Variants in DNAJB13 observed in about 807,000 individuals in gnomAD.
The protein encoded by DNAJB13 is DnaJ heat shock protein family (Hsp40) member B13.
Under a neutral mutation model 35.6 loss-of-function variants are expected in DNAJB13, and 22 were observed. The ratio of observed to expected loss-of-function variants is 0.62; its 90% CI spans 0.44 to 0.88. The LOEUF is 0.88. DNAJB13 is among the 40% of genes least tolerant of loss of function. The pLI is 0.00. For missense variants in DNAJB13, 370 were observed against 384.3 expected, an observed-to-expected ratio of 0.96 and a Z score of 0.31; for synonymous variants, 136 against 144.2, an observed-to-expected ratio of 0.94 and a Z score of 0.41.
intron 7 of DNAJB13, 38 bp from the exon 8 acceptor site, chr11:73,969,923 G>C (rs778038707): frequency 2.0e-5 from 31 of 1,580,384 alleles, no homozygotes; most frequent in African/African-American, 2.7e-5. Flanking sequence ...TGCTGCTCTG[G>C]GATGCCCTCT....
intron 3 of DNAJB13, chr11:73,964,581 TGGGCG>T: frequency 1.4e-5 from 3 of 215,580 alleles, no homozygotes; most frequent in South Asian, 7.3e-5. Context: ...GGGGAAGCGT[TGGGCG>T]GGGTGGGGGG....
At chr11:73,956,081 C>T (rs1188110482) in intron 1 of DNAJB13, among the ~76,000 whole-genome samples, 1 of 150,856 alleles carries the variant, frequency 6.6e-6, no homozygotes, top group Non-Finnish European at 1.5e-5. Context: ...TTTACTCACT[C>T]CTGCTCAGTG....
intron 1 of DNAJB13, among the ~76,000 whole-genome samples, chr11:73,953,618 A>G (rs1269618598): frequency 6.6e-6 from 1 of 152,208 alleles, no homozygotes; most frequent in Non-Finnish European, 1.5e-5. Context: ...GAATCTATGA[A>G]TAACATCGGT....
At position 73,951,089 on chromosome 11, in the gene DNAJB13, C is replaced by G; in HGVS notation, c.20C>G (p.Ser7Cys). 3 of 1,614,076 alleles carry G rather than the reference C, an allele frequency of 1.9e-6. No individual in the cohort carries two copies. Among genetic ancestry groups the G allele is most frequent in the Non-Finnish European group, 2.5e-6 (3 of 1,180,018 alleles). MGQDYY[S>C]VLGITRNSED... ...CCAGCCATGGGCCAGGATTATTACT[C>G]TGTGCTCGGGATCACTCGCAATTCA... Residue 7 changes from serine to cysteine, a missense_variant, in exon 1 of 8, where the codon TCT (serine) becomes TGT (cysteine). Physicochemically the swap from Ser to Cys is moderately radical, Grantham distance 112 (BLOSUM62 -1). Transcript: ENST00000339764.
intron 2 of DNAJB13, among the ~76,000 whole-genome samples, chr11:73,958,834 G>A (rs962622902): frequency 6.6e-6 from 1 of 152,194 alleles, no homozygotes; most frequent in Non-Finnish European, 1.5e-5. Context: ...TTTCCCCAGG[G>A]CCAGCAACAG....
At chr11:73,964,612 G>C (rs1466056625) in intron 3 of DNAJB13, 3 of 440,282 alleles carry the variant, frequency 6.8e-6, no homozygotes, top group Admixed American at 8.0e-5. Context: ...GTCCCAAGGG[G>C]AGGTGAAGCA....
intron 1 of DNAJB13, among the ~76,000 whole-genome samples, 153 bp from the exon 2 acceptor site, chr11:73,958,164 A>T (rs978505112): frequency 2.0e-5 from 3 of 152,202 alleles, no homozygotes; most frequent in African/African-American, 7.2e-5. Flanking sequence ...ACTCTTCAAG[A>T]GCTGAGCAGT....
At chr11:73,964,809 GTGT>G in intron 3 of DNAJB13, 66 bp from the exon 4 acceptor site, 2 of 1,305,632 alleles carry the variant, frequency 1.5e-6, no homozygotes, top group South Asian at 1.2e-5. Flanking sequence ...GTGTGTGTGT[GTGT>G]GCGCGCGCGC....
At position 73,965,050 on chromosome 11, in the gene DNAJB13, T is replaced by C. The variant is rs1292816932; in HGVS notation, c.492+15T>C. 6.5e-7 allele frequency: 1 copy of C among 1,549,234 alleles called. No individual in the cohort carries two copies. Among genetic ancestry groups the C allele is most frequent in the African/African-American group, 1.4e-5 (1 of 72,336 alleles). On this transcript the variant is annotated intron_variant, in intron 4 of 7. Transcript: ENST00000339764. ...TCTCCAGAAGGGTGAGTACTCAGCT[T>C]GCTCCTCCCGGGAGCCACCTATCTC...
chr11:73,952,664 C>T (rs1199921690), intron 1 of DNAJB13, among the ~76,000 whole-genome samples: 2 of 152,152 alleles, frequency 1.3e-5, no homozygotes, highest in African/African-American at 2.4e-5. Context: ...CAGAAGGACC[C>T]ATCCAGGGAA....
At chr11:73,959,704 T>TATAAG in intron 3 of DNAJB13, 49 bp downstream of exon 3, 1 of 1,478,074 alleles carries the variant, frequency 6.8e-7, no homozygotes, top group Middle Eastern at 1.8e-4. Context: ...AGGACACTGC[T>TATAAG]ATAAGTGATG....
chr11:73,952,637 C>T (rs1431599713), intron 1 of DNAJB13, among the ~76,000 whole-genome samples: 2 of 152,144 alleles, frequency 1.3e-5, no homozygotes, highest in African/African-American at 2.4e-5. Context: ...ACCCACTCTT[C>T]GGAGCATCTC....
At chr11:73,958,726 CAG>C (rs1033826728) in intron 2 of DNAJB13, among the ~76,000 whole-genome samples, 13 of 152,192 alleles carry the variant, frequency 8.5e-5, no homozygotes, top group Admixed American at 7.2e-4. Flanking sequence ...CCGGGAGAAA[CAG>C]AGTAAGGGGC....
At chr11:73,957,932 G>A (rs1950802627) in intron 1 of DNAJB13, among the ~76,000 whole-genome samples, 2 of 151,274 alleles carry the variant, frequency 1.3e-5, no homozygotes, top group South Asian at 4.1e-4. Context: ...GAGGAAGGAG[G>A]GAGAGTGCAG....
At chr11:73,969,103 A>G (rs1951208327) in intron 6 of DNAJB13, 143 bp from the exon 7 acceptor site, 1 of 510,718 alleles carries the variant, frequency 2.0e-6, no homozygotes. Context: ...TGCATGGGTC[A>G]TTCACCTATT....
At chr11:73,965,874 G>T in intron 4 of DNAJB13, 1 of 444,198 alleles carries the variant, frequency 2.3e-6, no homozygotes, top group Non-Finnish European at 4.1e-6. Context: ...CCCAGCCCCA[G>T]TCTCATGGCA....
At chr11:73,964,844 C>G (rs376075679) in intron 3 of DNAJB13, 34 bp from the exon 4 acceptor site, 1 of 1,565,368 alleles carries the variant, frequency 6.4e-7, no homozygotes, top group Non-Finnish European at 8.7e-7. Flanking sequence ...TCTCTGGATA[C>G]AATTTCTCTT....
At position 73,965,131 on chromosome 11, in the gene DNAJB13, C is replaced by T. The variant is rs1170791006; in HGVS notation, c.492+96C>T. The T allele has an allele frequency of 2.2e-6, 3 of 1,336,060 alleles. No homozygotes were observed. The African/African-American group carries it at 4.4e-5, about 20-fold the overall frequency. 82.8% of individuals were successfully genotyped at this position (1,336,060 alleles called of 1,614,324 possible). A position where few individuals can be genotyped will look rare whatever the true frequency, so the allele number is the denominator to read the frequency against. On this transcript the variant is annotated intron_variant, in intron 4 of 7. Transcript: ENST00000339764. ...CTGGGTGGGAGGACTCAGGGATGGT[C>T]TCTGATGGAATTATGGAACCTTAGA... is the stretch of plus-strand genomic sequence containing the variant.
intron 3 of DNAJB13, 114 bp from the exon 4 acceptor site, chr11:73,964,764 G>A: frequency 5.2e-6 from 5 of 965,106 alleles, no homozygotes; most frequent in East Asian, 2.7e-5. Context: ...GGATAGGGAG[G>A]CTGTGTGTGT....
Sources: allele counts gnomAD v4.1 joint callset (sites outside exome capture counted in the v4.1 genomes callset), GRCh38; gene constraint gnomAD v4.1.1; transcripts MANE v1.5; gene names NCBI Gene and HGNC (gene_info 2026-07-23, HGNC 2026-07-21).